PMPCA: variants seen among roughly 807,000 people sequenced by gnomAD.
PMPCA encodes the protein peptidase, mitochondrial processing subunit alpha, also known as mitochondrial-processing peptidase subunit alpha.
Under a neutral mutation model 59.3 loss-of-function variants are expected in PMPCA, and 47 were observed. That is an observed-to-expected ratio of 0.79 (90% confidence interval 0.63 to 1.01). The LOEUF is 1.01. Ranked by LOEUF, PMPCA falls within the 50% of genes least tolerant of loss-of-function variation. PMPCA has a pLI of 0.00. For missense variants in PMPCA, 726 were observed against 704.5 expected (o/e 1.03, Z -0.34); for synonymous variants, 338 against 290.3 (o/e 1.16, Z -1.67).
Position 136,423,131 on chromosome 9 carries a change from C to G in PMPCA, c.1445C>G (p.Ser482Cys). The change falls in exon 13 of 13, where the codon TCT becomes TGT. Residue 482 changes from serine to cysteine, a missense_variant. Coordinates refer to ENST00000371717, the MANE Select transcript of PMPCA (RefSeq NM_015160.3). ...CCGGAAGATGTGAAGAGAGTCGCTT[C>G]TAAGATGCTCCGAGGGAAGCCGGCA... is the stretch of plus-strand genomic sequence containing the variant. ...VKPEDVKRVA[S>C]KMLRGKPAVA... 2 of 1,613,532 alleles carry G rather than the reference C, an allele frequency of 1.2e-6. No homozygotes were observed. Among genetic ancestry groups the G allele is most frequent in the Non-Finnish European group, 1.7e-6 (2 of 1,179,940 alleles).
At chr9:136,416,169 G>C (rs1223039912) in intron 5 of PMPCA, 122 bp from the exon 6 acceptor site, 1 of 715,366 alleles carries the variant, frequency 1.4e-6, no homozygotes, top group East Asian at 2.5e-5. Context: ...GATGAAGGCA[G>C]AGGTGACTGC....
intron 1 of PMPCA, among the ~76,000 whole-genome samples, 172 bp from the exon 2 acceptor site, chr9:136,411,825 G>A (rs537429878): frequency 6.6e-6 from 1 of 152,346 alleles, no homozygotes; most frequent in South Asian, 2.1e-4. Context: ...TCCCGTGGCT[G>A]AGCCTTTGTT....
chr9:136,416,727 C>G (rs1835286830), intron 6 of PMPCA: 3 of 592,412 alleles, frequency 5.1e-6, no homozygotes, highest in Non-Finnish European at 6.0e-6. Flanking sequence ...GTCTTTACTA[C>G]TAAACACAAT....
intron 12 of PMPCA, chr9:136,422,869 T>G: frequency 7.3e-7 from 1 of 1,367,906 alleles, no homozygotes; most frequent in Non-Finnish European, 9.4e-7. Flanking sequence ...TGTCCTATAT[T>G]TTTAAGTCAT....
chr9:136,414,498 G>T, intron 4 of PMPCA, 55 bp from the exon 5 acceptor site: 1 of 1,214,540 alleles, frequency 8.2e-7, no homozygotes, highest in South Asian at 1.2e-5. Context: ...TCCCCTGGCT[G>T]TTAAGCAGAG....
At chr9:136,412,248 C>A in intron 2 of PMPCA, 49 bp downstream of exon 2, 1 of 1,308,226 alleles carries the variant, frequency 7.6e-7, no homozygotes, top group Non-Finnish European at 1.1e-6. Flanking sequence ...TTAACATGCA[C>A]ATGCTTTAGT....
Position 136,417,224 on chromosome 9 carries a change from C to T in PMPCA, c.897+10C>T, listed in dbSNP as rs763860543. The T allele has an allele frequency of 9.0e-6, 14 of 1,558,220 alleles. No individual in the cohort carries two copies. Among genetic ancestry groups the T allele is most frequent in the East Asian group, 4.5e-5 (2 of 43,964 alleles). ...TGGGGGGATTGCCAAGGTGAAGTAG[C>T]GGGAACGTCTCATGGCCTCGGGTGG... is the stretch of plus-strand genomic sequence containing the variant. On this transcript the variant is annotated intron_variant, in intron 7 of 12. Coordinates refer to ENST00000371717, the MANE Select transcript of PMPCA (RefSeq NM_015160.3).
intron 4 of PMPCA, 39 bp from the exon 5 acceptor site, chr9:136,414,514 G>T (rs1200563975): frequency 7.3e-7 from 1 of 1,375,296 alleles, no homozygotes; most frequent in Non-Finnish European, 1.0e-6. Flanking sequence ...CAGAGTGTGA[G>T]TTCAGGGCCT....
At chr9:136,414,491 C>T in intron 4 of PMPCA, 62 bp from the exon 5 acceptor site, 1 of 1,135,578 alleles carries the variant, frequency 8.8e-7, no homozygotes, top group Non-Finnish European at 1.3e-6. Context: ...CCGAGCGTCC[C>T]CTGGCTGTTA....
At chr9:136,412,662 A>C (rs1398651824) in intron 3 of PMPCA, 93 bp downstream of exon 3, 1 of 788,440 alleles carries the variant, frequency 1.3e-6, no homozygotes, top group African/African-American at 1.8e-5. Flanking sequence ...TAAATTATCA[A>C]GTTGCTAAGT....
chr9:136,412,445 T>A (rs1450432471), intron 2 of PMPCA, 45 bp from the exon 3 acceptor site: 1 of 950,562 alleles, frequency 1.1e-6, no homozygotes, highest in South Asian at 1.4e-5. Context: ...TTAAATCTTA[T>A]TTTGAATATC....
chr9:136,417,739 C>A (rs1835322129), intron 7 of PMPCA, among the ~76,000 whole-genome samples: 1 of 152,088 alleles, frequency 6.6e-6, no homozygotes, highest in Non-Finnish European at 1.5e-5. Flanking sequence ...CAGGCGTAAG[C>A]CACCACGCCC....
At chr9:136,421,405 T>TTTTTTTG (rs1491564263) in intron 11 of PMPCA, among the ~76,000 whole-genome samples, 25 of 43,120 alleles carry the variant, frequency 5.8e-4, no homozygotes, top group African/African-American at 2.4e-3. Flanking sequence ...TGGGTTCCCG[T>TTTTTTTG]TTTTTTTTTT....
intron 11 of PMPCA, among the ~76,000 whole-genome samples, chr9:136,421,248 C>G (rs913039509): frequency 6.6e-6 from 1 of 152,200 alleles, no homozygotes; most frequent in Non-Finnish European, 1.5e-5. Context: ...TACCTTCTCC[C>G]GCTGCATGTC....
At chr9:136,414,520 G>A (rs1835219185) in intron 4 of PMPCA, 33 bp from the exon 5 acceptor site, 3 of 1,417,340 alleles carry the variant, frequency 2.1e-6, no homozygotes, top group South Asian at 1.1e-5. Context: ...GTGAGTTCAG[G>A]GCCTGGCATT....
At chr9:136,420,129 G>A (rs1835407724) in intron 11 of PMPCA, 2 of 125,372 alleles carry the variant, frequency 1.6e-5, no homozygotes, top group African/African-American at 3.7e-5. Context: ...ACAGGCATGT[G>A]TCACCACCCT....
At chr9:136,416,846 C>T (rs1015497017) in intron 6 of PMPCA, 105 bp from the exon 7 acceptor site, 17 of 1,059,734 alleles carry the variant, frequency 1.6e-5, no homozygotes, top group African/African-American at 7.9e-5. Flanking sequence ...CAGCTTGCGT[C>T]GGATTTTCCC....
At chr9:136,422,752 C>A in intron 12 of PMPCA, 1 of 1,108,414 alleles carries the variant, frequency 9.0e-7, no homozygotes, top group Non-Finnish European at 1.1e-6. Flanking sequence ...ACCCTTCTGT[C>A]CATGCGGCCC....
At chr9:136,412,449 G>A (rs1190931883) in intron 2 of PMPCA, 41 bp from the exon 3 acceptor site, 1 of 959,374 alleles carries the variant, frequency 1.0e-6, no homozygotes, top group Admixed American at 2.1e-5. Flanking sequence ...ATCTTATTTT[G>A]AATATCTGAT....
Sources: gnomAD v4.1 joint callset for allele counts (sites outside exome capture counted in the v4.1 genomes callset) on GRCh38, gnomAD v4.1.1 for gene constraint, MANE v1.5 for transcripts, NCBI Gene and HGNC (gene_info 2026-07-23, HGNC 2026-07-21) for gene names.